TMEM114: variants seen among roughly 807,000 people sequenced by gnomAD.
TMEM114 encodes the protein transmembrane protein 114, also known as claudin-26.
TMEM114 carries 6 observed loss-of-function variants against 6.2 expected under a neutral mutation model. The observed-to-expected ratio is 0.97, with a 90% CI of 0.53 to 1.91. TMEM114 has a LOEUF of 1.91. Ranked by LOEUF, TMEM114 falls within the 40% of genes most tolerant of loss-of-function variation. The probability of loss-of-function intolerance (pLI) is 0.01; values close to 1 mark genes in which losing one functional copy is unlikely to be tolerated. For synonymous variants in TMEM114, 104 were observed against 73.0 expected (o/e 1.42, Z -2.16); for missense variants, 218 against 158.3 (o/e 1.38, Z -2.02).
At chr16:8,561,186 A>C (rs1404171029) in intron 2 of TMEM114, among the ~76,000 whole-genome samples, 1 of 152,224 alleles carries the variant, frequency 6.6e-6, no homozygotes, top group Admixed American at 6.5e-5. Flanking sequence ...CTGGGTTTTC[A>C]GTCTACTCCT....
chr16:8,539,877 A>G (rs1432219357), intron 2 of TMEM114, among the ~76,000 whole-genome samples: 6 of 152,122 alleles, frequency 3.9e-5, no homozygotes, highest in African/African-American at 1.4e-4. Flanking sequence ...GAATGCAGTG[A>G]AACAATCTCT....
chr16:8,562,686 G>GAATC, intron 2 of TMEM114, among the ~76,000 whole-genome samples: 1 of 147,812 alleles, frequency 6.8e-6, no homozygotes, highest in African/African-American at 2.5e-5. Flanking sequence ...ATGAGTGAGT[G>GAATC]AGGGAATGAG....
At chr16:8,546,224 G>C (rs757647440) in intron 2 of TMEM114, among the ~76,000 whole-genome samples, 31 of 152,186 alleles carry the variant, frequency 2.0e-4, no homozygotes, top group African/African-American at 6.5e-4. Context: ...CGATGTTTCA[G>C]ACTGATTGTG....
intron 2 of TMEM114, among the ~76,000 whole-genome samples, chr16:8,586,653 G>A (rs1009906258): frequency 2.6e-5 from 4 of 152,072 alleles, no homozygotes; most frequent in African/African-American, 9.7e-5. Context: ...GGGACTACAG[G>A]CAGGTGGCAC....
intron 2 of TMEM114, among the ~76,000 whole-genome samples, chr16:8,550,405 G>C (rs545946542): frequency 6.6e-6 from 1 of 152,100 alleles, no homozygotes; most frequent in African/African-American, 2.4e-5. Flanking sequence ...TCCTGGCCGG[G>C]TGCGGTGGCT....
intron 2 of TMEM114, among the ~76,000 whole-genome samples, chr16:8,578,547 C>G (rs1340754229): frequency 6.6e-6 from 1 of 152,228 alleles, no homozygotes; most frequent in African/African-American, 2.4e-5. Context: ...GAATAAGTCA[C>G]ATTCGCAGGT....
chr16:8,527,650 A>G, the TMEM114 span, among the ~76,000 whole-genome samples: 2 of 152,238 alleles, frequency 1.3e-5, no homozygotes, highest in East Asian at 1.9e-4. Flanking sequence ...TTATTCTCAC[A>G]TGGGACCATT....
intron 2 of TMEM114, among the ~76,000 whole-genome samples, chr16:8,541,500 G>A (rs770411653): frequency 1.4e-4 from 22 of 152,184 alleles, no homozygotes; most frequent in Admixed American, 2.0e-4. Context: ...GGTTCAGGAA[G>A]GGGAAAGATC....
At chr16:8,554,664 C>G (rs1900950993) in intron 2 of TMEM114, among the ~76,000 whole-genome samples, 1 of 142,870 alleles carries the variant, frequency 7.0e-6, no homozygotes, top group Admixed American at 7.3e-5. Context: ...GTTAATTAAG[C>G]CCAAGGAGTG....
At chr16:8,567,619 C>A (rs1901587351), downstream of TMEM114, among the ~76,000 whole-genome samples, 2 of 152,080 alleles carry the variant, frequency 1.3e-5, no homozygotes, top group Admixed American at 1.3e-4. Context: ...AATACCACTC[C>A]CCACACGCAC....
At chr16:8,553,657 A>G (rs1472579620) in intron 2 of TMEM114, among the ~76,000 whole-genome samples, 4 of 151,634 alleles carry the variant, frequency 2.6e-5, no homozygotes, top group Non-Finnish European at 5.9e-5. Flanking sequence ...CCTATTTTGT[A>G]TTTTTAGTAG....
chr16:8,571,053 C>T (rs2141683683), intron 3 of TMEM114, among the ~76,000 whole-genome samples: 1 of 151,698 alleles, frequency 6.6e-6, no homozygotes, highest in Non-Finnish European at 1.5e-5. Flanking sequence ...GCAATATTTT[C>T]ACCTCCAGAC....
chr16:8,569,397 C>T, downstream of TMEM114: 1 of 1,031,886 alleles, frequency 9.7e-7, no homozygotes, highest in East Asian at 7.8e-5. Flanking sequence ...AGGGCACCCT[C>T]TCCCTTTCCC....
Position 8,576,235 on chromosome 16 carries a change from T to A in TMEM114, c.302-4011A>T, listed in dbSNP as rs543380668. 2.0e-5 allele frequency among the ~76,000 whole-genome samples: 3 copies of A among 152,316 alleles called. No individual in the cohort carries two copies. The South Asian group carries it at 6.2e-4, about 32-fold the overall frequency. On this transcript the variant is annotated intron_variant, in intron 2 of 3. Coordinates refer to ENST00000620492, the MANE Select transcript of TMEM114 (RefSeq NM_001146336.2). ...CACAGCCAGTCTGCCTCCCTATAGA[T>A]AAGATGGAGATATTTGGTCACAGAA...
chr16:8,540,635 C>T (rs1206861643), intron 2 of TMEM114, among the ~76,000 whole-genome samples: 1 of 150,166 alleles, frequency 6.7e-6, no homozygotes. Flanking sequence ...ATTCACTGAA[C>T]CAATTTTTAT....
chr16:8,576,452 G>T (rs1045266205), intron 2 of TMEM114, among the ~76,000 whole-genome samples: 3 of 152,164 alleles, frequency 2.0e-5, no homozygotes, highest in African/African-American at 7.2e-5. Flanking sequence ...GAACTGCAGG[G>T]GTGTCCCCAC....
the TMEM114 span, among the ~76,000 whole-genome samples, chr16:8,530,948 TG>T: frequency 6.6e-6 from 1 of 151,374 alleles, no homozygotes; most frequent in Non-Finnish European, 1.5e-5. Flanking sequence ...TGGCTTGAAG[TG>T]GGAGGCGGAG....
At position 8,564,387 on chromosome 16, in the gene TMEM114, G is replaced by T. The variant is rs1004100446; in HGVS notation, n.212+24826C>A. ...TGAATGAGTCAGTGAATGAGTGAGG[G>T]AATGAGTGAGTGAGTGAATGAGTGA... On this transcript the variant is annotated intron_variant and non_coding_transcript_variant, in intron 2 of 2. Transcript: ENST00000623677. Among the ~76,000 whole-genome samples, 41 of 148,184 alleles carry T rather than the reference G, an allele frequency of 2.8e-4. 1 individual carries two copies. Among genetic ancestry groups the T allele is most frequent in the Non-Finnish European group, 5.2e-4 (35 of 66,696 alleles).
chr16:8,562,651 A>AGTG (rs1901297579), intron 2 of TMEM114, among the ~76,000 whole-genome samples: 2 of 151,768 alleles, frequency 1.3e-5, no homozygotes, highest in African/African-American at 4.9e-5. Context: ...TAAGTGAATG[A>AGTG]ATGAGTCAAT....
Sources: allele counts gnomAD v4.1 joint callset (sites outside exome capture counted in the v4.1 genomes callset), GRCh38; gene constraint gnomAD v4.1.1; transcripts MANE v1.5; gene names NCBI Gene and HGNC (gene_info 2026-07-23, HGNC 2026-07-21).